The following CTNNA3 variants were observed in gnomAD, a reference collection of about 807,000 sequenced individuals.
The protein encoded by CTNNA3 is catenin alpha 3, also known as catenin alpha-3.
A neutral mutation model predicts 95.7 loss-of-function variants in CTNNA3; 76 were observed. That is an observed-to-expected ratio of 0.79 (90% CI 0.66 to 0.96). The LOEUF is 0.96. CTNNA3 is among the 40% of genes least tolerant of loss of function. The pLI, the probability that CTNNA3 is intolerant of heterozygous loss-of-function variation, is 0.00. For missense variants in CTNNA3, 1,191 were observed against 1,089.8 expected, an observed-to-expected ratio of 1.09 and a Z score of -1.31; for synonymous variants, 431 against 374.4, an observed-to-expected ratio of 1.15 and a Z score of -1.74.
In CTNNA3 at chr10:67,681,587, G is replaced by A. The variant is rs570704720; in HGVS notation, c.-6+14413C>T. Among the ~76,000 whole-genome samples, 98 of 151,998 alleles carry A rather than the reference G, an allele frequency of 6.4e-4. 1 individual carries two copies. In the South Asian group the frequency reaches 0.011, roughly 16 times the overall value. ...ATATATAAGTTTATGTATAATAAATGTATAATAACTAAGTGGAAATTTTTA... is the reference window on the plus strand; with the variant it reads ...ATATATAAGTTTATGTATAATAAATATATAATAACTAAGTGGAAATTTTTA... On this transcript the variant is annotated intron_variant, in intron 1 of 17. Transcript: ENST00000433211.
At chr10:66,861,539 T>G (rs2132412766) in intron 7 of CTNNA3, among the ~76,000 whole-genome samples, 1 of 152,306 alleles carries the variant, frequency 6.6e-6, no homozygotes, top group East Asian at 1.9e-4. Flanking sequence ...TCTCAGACCC[T>G]GAACTAGAAT....
At chr10:66,334,343 C>G (rs1369785486) in intron 12 of CTNNA3, among the ~76,000 whole-genome samples, 1 of 151,896 alleles carries the variant, frequency 6.6e-6, no homozygotes, top group Non-Finnish European at 1.5e-5. Flanking sequence ...TACAATTTGG[C>G]ATGTTTTTGC....
intron 15 of CTNNA3, among the ~76,000 whole-genome samples, chr10:66,060,899 C>T (rs1290686908): frequency 2.0e-5 from 3 of 152,094 alleles, no homozygotes; most frequent in African/African-American, 4.8e-5. Flanking sequence ...TCCTCTACCA[C>T]TCTGCTCCTA....
intron 7 of CTNNA3, among the ~76,000 whole-genome samples, chr10:67,011,670 G>A (rs80219083): frequency 0.014 from 2,146 of 152,170 alleles, 47 homozygotes; most frequent in African/African-American, 0.043. Flanking sequence ...TAATGATGAC[G>A]ATAGCAAATA....
chr10:66,133,491 C>T (rs2083215186), intron 13 of CTNNA3, among the ~76,000 whole-genome samples: 1 of 148,020 alleles, frequency 6.8e-6, no homozygotes, highest in Non-Finnish European at 1.5e-5. Context: ...ACAGCCTGGT[C>T]GACAGAGTGA....
At chr10:66,845,712 A>AATAAATAAATAAATAAAT (rs1843231895) in intron 7 of CTNNA3, among the ~76,000 whole-genome samples, 1 of 126,368 alleles carries the variant, frequency 7.9e-6, no homozygotes, top group Admixed American at 8.4e-5. Context: ...TCAAAAAAAA[A>AATAAATAAATAAATAAAT]AAAAAAAAAA....
chr10:67,362,337 C>T (rs1351661560), intron 5 of CTNNA3, among the ~76,000 whole-genome samples: 1 of 152,028 alleles, frequency 6.6e-6, no homozygotes, highest in East Asian at 1.9e-4. Context: ...AAACTACAGG[C>T]CAACATCCCT....
At chr10:66,548,908 C>T (rs535148957) in intron 10 of CTNNA3, among the ~76,000 whole-genome samples, 5 of 148,678 alleles carry the variant, frequency 3.4e-5, no homozygotes, top group Non-Finnish European at 7.4e-5. Flanking sequence ...GAATATTTCT[C>T]TGTAATTTTT....
upstream of CTNNA3, among the ~76,000 whole-genome samples, chr10:67,700,076 C>T (rs1040270870): frequency 2.0e-5 from 3 of 152,238 alleles, no homozygotes; most frequent in African/African-American, 4.8e-5. Flanking sequence ...GGGGGAGGGG[C>T]GCCCGCCATT....
At chr10:66,071,492 G>C (rs1206079741) in intron 14 of CTNNA3, among the ~76,000 whole-genome samples, 1 of 103,494 alleles carries the variant, frequency 9.7e-6, no homozygotes, top group Non-Finnish European at 2.1e-5. Context: ...CAAGATTATA[G>C]TGTCAGTCAA....
At chr10:66,195,215 T>TA (rs1370373056) in intron 13 of CTNNA3, among the ~76,000 whole-genome samples, 5 of 152,008 alleles carry the variant, frequency 3.3e-5, no homozygotes, top group African/African-American at 1.2e-4. Flanking sequence ...CTTTTTTGTT[T>TA]AAAAAAAGAT....
intron 1 of CTNNA3, among the ~76,000 whole-genome samples, chr10:67,661,577 A>G (rs1243322769): frequency 2.0e-5 from 3 of 152,234 alleles, no homozygotes; most frequent in Admixed American, 2.0e-4. Context: ...TGAAAATTCA[A>G]ACTTCGTGAA....
At chr10:66,213,680 T>C (rs1371790156) in intron 13 of CTNNA3, among the ~76,000 whole-genome samples, 1 of 152,184 alleles carries the variant, frequency 6.6e-6, no homozygotes, top group Non-Finnish European at 1.5e-5. Flanking sequence ...TATGAACTAA[T>C]TTGAGACTCT....
intron 3 of CTNNA3, among the ~76,000 whole-genome samples, chr10:67,577,734 C>T (rs1245565490): frequency 2.0e-5 from 3 of 149,508 alleles, no homozygotes; most frequent in Non-Finnish European, 4.4e-5. Context: ...ATATATACTA[C>T]ATTTTCTTTA....
At chr10:67,004,735 A>G (rs1331547333) in intron 7 of CTNNA3, among the ~76,000 whole-genome samples, 1 of 152,214 alleles carries the variant, frequency 6.6e-6, no homozygotes, top group Non-Finnish European at 1.5e-5. Flanking sequence ...TTTAACTTAT[A>G]TCATGTCAAT....
At chr10:65,995,079 C>T (rs1030297931) in intron 15 of CTNNA3, among the ~76,000 whole-genome samples, 5 of 150,626 alleles carry the variant, frequency 3.3e-5, no homozygotes, top group Non-Finnish European at 7.4e-5. Flanking sequence ...TTTTTGTATT[C>T]TTTATCTGTG....
intron 4 of CTNNA3, among the ~76,000 whole-genome samples, chr10:67,526,602 G>C (rs1266970773): frequency 6.6e-6 from 1 of 151,982 alleles, no homozygotes; most frequent in African/African-American, 2.4e-5. Flanking sequence ...TCACTCAGTT[G>C]TTGTGAAATC....
chr10:66,032,367 T>C (rs1589271187), intron 15 of CTNNA3, among the ~76,000 whole-genome samples: 1 of 152,304 alleles, frequency 6.6e-6, no homozygotes, highest in East Asian at 1.9e-4. Context: ...TAATAAATTA[T>C]AACTATGAAA....
chr10:67,417,557 C>A (rs879291000), intron 5 of CTNNA3, among the ~76,000 whole-genome samples: 1 of 151,826 alleles, frequency 6.6e-6, no homozygotes, highest in Admixed American at 6.6e-5. Flanking sequence ...TATAGAAAGC[C>A]GGTTTATTTT....
Sources: gnomAD v4.1 joint callset for allele counts (sites outside exome capture counted in the v4.1 genomes callset) on GRCh38, gnomAD v4.1.1 for gene constraint, MANE v1.5 for transcripts, NCBI Gene and HGNC (gene_info 2026-07-23, HGNC 2026-07-21) for gene names.